RALGAPA1: variants seen among roughly 807,000 people sequenced by gnomAD.
RALGAPA1 encodes Ral GTPase activating protein catalytic subunit alpha 1, also known as ral GTPase-activating protein subunit alpha-1.
In RALGAPA1, 52 loss-of-function variants were observed where a neutral mutation model predicts 269.6. The observed-to-expected ratio is 0.19, with a 90% confidence interval of 0.15 to 0.24. The LOEUF (loss-of-function observed/expected upper bound fraction) is 0.24, where lower values mean the gene tolerates loss of function less well. RALGAPA1 is among the 10% of genes least tolerant of loss of function. RALGAPA1 has a pLI of 1.00. For synonymous variants in RALGAPA1, 817 were observed against 1,008.3 expected, an observed-to-expected ratio of 0.81 and a Z score of 3.60; for missense variants, 1,917 against 3,013.9, an observed-to-expected ratio of 0.64 and a Z score of 8.52.
At chr14:35,597,636 G>T (rs969014236) in intron 36 of RALGAPA1, among the ~76,000 whole-genome samples, 1 of 152,116 alleles carries the variant, frequency 6.6e-6, no homozygotes, top group Admixed American at 6.5e-5. Context: ...AGTTAAGAGA[G>T]CATGTTCAAA....
At chr14:35,684,793 T>A (rs78891955) in intron 20 of RALGAPA1, 136 bp downstream of exon 20, 3 of 622,680 alleles carry the variant, frequency 4.8e-6, no homozygotes, top group Admixed American at 3.7e-5. Context: ...AAATATCTAA[T>A]TTTTTTTTTT....
chr14:35,756,769 G>A, intron 7 of RALGAPA1, 24 bp downstream of exon 7: 3 of 1,475,384 alleles, frequency 2.0e-6, no homozygotes, highest in African/African-American at 1.4e-5. Flanking sequence ...TAAGGAGTGT[G>A]ATATCAAAGA....
chr14:35,653,965 A>T (rs1254926973), intron 30 of RALGAPA1, among the ~76,000 whole-genome samples: 1 of 152,216 alleles, frequency 6.6e-6, no homozygotes, highest in Admixed American at 6.5e-5. Flanking sequence ...ATAAGTTTAC[A>T]CATAGCATTT....
chr14:35,776,098 T>C lies in RALGAPA1; in HGVS notation c.107-353A>G, dbSNP rs138868947. ...AATCAGAATAATAATTTATGATGTC[T>C]GAAGGCCAGGTATGGTGGCTCACGC... On this transcript the variant is annotated intron_variant, in intron 1 of 41. Transcript: ENST00000680220. 2.5e-3 allele frequency among the ~76,000 whole-genome samples: 388 copies of C among 152,308 alleles called. 2 individuals are homozygous for C. The highest frequency in any genetic ancestry group is 6.6e-3 in the African/African-American group (274 of 41,576).
At chr14:35,645,962 G>A (rs2062411163) in intron 31 of RALGAPA1, among the ~76,000 whole-genome samples, 1 of 152,076 alleles carries the variant, frequency 6.6e-6, no homozygotes, top group African/African-American at 2.4e-5. Flanking sequence ...CCACTTTGAA[G>A]GGGCTCCCAC....
At chr14:35,804,901 C>T (rs1157629099) in intron 1 of RALGAPA1, among the ~76,000 whole-genome samples, 5 of 151,978 alleles carry the variant, frequency 3.3e-5, no homozygotes, top group Admixed American at 3.3e-4. Context: ...GGTACTCCAG[C>T]CAGAGTGACA....
chr14:35,633,363 T>G (rs1466995711), intron 33 of RALGAPA1, among the ~76,000 whole-genome samples: 2 of 152,198 alleles, frequency 1.3e-5, no homozygotes, highest in African/African-American at 4.8e-5. Flanking sequence ...TTTTTTGCTT[T>G]ATACTGCTTG....
chr14:35,584,844 AATTC>A (rs1452802519), intron 37 of RALGAPA1, among the ~76,000 whole-genome samples: 3 of 152,214 alleles, frequency 2.0e-5, no homozygotes, highest in Admixed American at 2.0e-4. Flanking sequence ...AGTAGATATT[AATTC>A]AACTATATTA....
At chr14:35,647,755 C>A (rs1009487292) in intron 31 of RALGAPA1, among the ~76,000 whole-genome samples, 1 of 150,086 alleles carries the variant, frequency 6.7e-6, no homozygotes, top group Non-Finnish European at 1.5e-5. Flanking sequence ...GAATTTGAGA[C>A]CAGCCTGGCC....
chr14:35,706,910 G>C (rs1348219006), intron 16 of RALGAPA1: 2 of 152,222 alleles, frequency 1.3e-5, no homozygotes, highest in Admixed American at 6.5e-5. Flanking sequence ...CTGAGATTGT[G>C]TTGAATCTAC....
chr14:35,792,509 A>G (rs1328082715), intron 1 of RALGAPA1, among the ~76,000 whole-genome samples: 2 of 151,544 alleles, frequency 1.3e-5, no homozygotes, highest in African/African-American at 4.8e-5. Flanking sequence ...CTGGCTGGGC[A>G]TGGTGGCTCA....
At chr14:35,781,050 C>CA (rs536512034) in intron 1 of RALGAPA1, among the ~76,000 whole-genome samples, 4 of 151,614 alleles carry the variant, frequency 2.6e-5, no homozygotes, top group Admixed American at 6.6e-5. Flanking sequence ...AGAGACCCCC[C>CA]AAAAAAAATC....
At chr14:35,614,003 TA>T (rs928241291) in intron 35 of RALGAPA1, among the ~76,000 whole-genome samples, 4 of 152,026 alleles carry the variant, frequency 2.6e-5, no homozygotes, top group African/African-American at 9.7e-5. Context: ...AAAGCAATAC[TA>T]AAAAAATCTC....
intron 3 of RALGAPA1, among the ~76,000 whole-genome samples, chr14:35,774,334 G>T (rs531596323): frequency 6.6e-6 from 1 of 152,106 alleles, no homozygotes; most frequent in Middle Eastern, 3.4e-3. Flanking sequence ...TCTCAGTGAA[G>T]ATCAGAATAC....
chr14:35,624,824 G>GA (rs981468707), intron 35 of RALGAPA1, among the ~76,000 whole-genome samples: 1 of 152,044 alleles, frequency 6.6e-6, no homozygotes. Context: ...TTAAACATGG[G>GA]AAAAACCAAA....
chr14:35,797,351 C>CAAAAAAAAAAAAAAAAAAAAA (rs530576211), intron 1 of RALGAPA1, among the ~76,000 whole-genome samples: 6 of 60,122 alleles, frequency 1.0e-4, no homozygotes, highest in African/African-American at 1.5e-4. Context: ...GACTCCGTCT[C>CAAAAAAAAAAAAAAAAAAAAA]AAAAAAAAAA....
intron 39 of RALGAPA1, among the ~76,000 whole-genome samples, chr14:35,554,232 TGA>T (rs2055317692): frequency 6.6e-6 from 1 of 151,998 alleles, no homozygotes; most frequent in Non-Finnish European, 1.5e-5. Context: ...TTGGCTATGG[TGA>T]GTTTCCACAT....
intron 18 of RALGAPA1, among the ~76,000 whole-genome samples, 187 bp from the exon 19 acceptor site, chr14:35,686,853 T>A (rs2065983406): frequency 6.6e-6 from 1 of 152,252 alleles, no homozygotes. Flanking sequence ...TTTATTTAAC[T>A]AAGCAGATGT....
chr14:35,703,669 TACTAACCTAAACACTTAGTTA>T (rs546469296), intron 16 of RALGAPA1, among the ~76,000 whole-genome samples: 231 of 152,344 alleles, frequency 1.5e-3, no homozygotes, highest in African/African-American at 5.2e-3. Flanking sequence ...TTTTGGGATT[TACTAACCTAAACACTTAGTTA>T]CTGACATTTC....
Sources: allele counts gnomAD v4.1 joint callset (sites outside exome capture counted in the v4.1 genomes callset), GRCh38; gene constraint gnomAD v4.1.1; transcripts MANE v1.5; gene names NCBI Gene and HGNC (gene_info 2026-07-23, HGNC 2026-07-21).